Variants in SYNPR observed in about 807,000 individuals in gnomAD.
SYNPR encodes the protein synaptoporin.
Under a neutral mutation model 32.9 loss-of-function variants are expected in SYNPR, and 23 were observed. That is an observed-to-expected ratio of 0.70 (90% CI 0.50 to 0.99). SYNPR has a LOEUF of 0.99. SYNPR is among the 50% of genes least tolerant of loss of function. The pLI is 0.00. For synonymous variants in SYNPR, 146 were observed against 135.9 expected, an observed-to-expected ratio of 1.07 and a Z score of -0.52; for missense variants, 318 against 349.3, an observed-to-expected ratio of 0.91 and a Z score of 0.71.
intron 3 of SYNPR, among the ~76,000 whole-genome samples, chr3:63,544,270 C>G (rs967636233): frequency 1.3e-5 from 2 of 151,938 alleles, no homozygotes; most frequent in Non-Finnish European, 2.9e-5. Context: ...TTTTCCTATC[C>G]CCAGCTGATA....
At chr3:63,268,432 A>G (rs891756849) in intron 3 of SYNPR, among the ~76,000 whole-genome samples, 3 of 152,228 alleles carry the variant, frequency 2.0e-5, no homozygotes, top group African/African-American at 4.8e-5. Context: ...TCCCTGAAAC[A>G]TAACTACTAA....
chr3:63,202,404 T>G, the SYNPR span, among the ~76,000 whole-genome samples: 1 of 152,160 alleles, frequency 6.6e-6, no homozygotes, highest in African/African-American at 2.4e-5. Context: ...ATCTCTCAAA[T>G]GATGCCCAGA....
At chr3:63,224,015 A>C (rs145482196), upstream of SYNPR, among the ~76,000 whole-genome samples, 264 of 152,336 alleles carry the variant, frequency 1.7e-3, 2 homozygotes, top group Admixed American at 4.6e-3. Context: ...TTGCCCTTAA[A>C]AAGTTTACAG....
chr3:63,230,716 A>C (rs1240253549), intron 1 of SYNPR, among the ~76,000 whole-genome samples: 1 of 152,268 alleles, frequency 6.6e-6, no homozygotes, highest in East Asian at 1.9e-4. Context: ...CTGAGCCTCA[A>C]TTTCATCATC....
Position 63,574,593 on chromosome 3 carries a change from T to A in SYNPR, c.408+17852T>A, listed in dbSNP as rs140454474. On this transcript the variant is annotated intron_variant, in intron 4 of 5. Transcript: ENST00000478300. ...ATTATCTGGTCCAAAATGTCAATAG[T>A]GCCGAGGTGGGAAAACCATACTGTA... 2.5e-3 allele frequency among the ~76,000 whole-genome samples: 388 copies of A among 152,218 alleles called. 4 individuals carry two copies. The highest frequency in any genetic ancestry group is 8.9e-3 in the African/African-American group (371 of 41,552).
intron 2 of SYNPR, among the ~76,000 whole-genome samples, chr3:63,443,879 A>G (rs539345316): frequency 1.3e-4 from 20 of 152,294 alleles, no homozygotes; most frequent in Admixed American, 7.8e-4. Flanking sequence ...TCAGAGTGAA[A>G]ATTACTTAAA....
In SYNPR at chr3:63,476,139, AAG is replaced by A. The variant is rs1559510374; in HGVS notation, c.85-4692_85-4691del. On this transcript the variant is annotated intron_variant, in intron 2 of 5. Coordinates refer to ENST00000478300, the MANE Select transcript of SYNPR (RefSeq NM_001130003.2). The stretch of plus-strand genomic sequence containing the variant: ...GAAGGAAGGAAGGAAGGAAGGAAGG[AAG>A]GAAGGAAGGGAGGGAGGGAGGGAGG... Among the ~76,000 whole-genome samples, 16 of 32,510 alleles carry A rather than the reference AAG, an allele frequency of 4.9e-4. 1 individual carries two copies. Among genetic ancestry groups the A allele is most frequent in the South Asian group, 3.6e-3 (2 of 556 alleles). The allele number at this position is 32,510 out of a possible 152,430, so 21.3% of individuals were successfully genotyped here. A position where few individuals can be genotyped will look rare whatever the true frequency, so the allele number is the denominator to read the frequency against.
the SYNPR span, among the ~76,000 whole-genome samples, chr3:63,214,410 T>G: frequency 1.4e-3 from 43 of 31,250 alleles, no homozygotes; most frequent in Admixed American, 3.2e-3. Flanking sequence ...TATTCAGAGA[T>G]TCAACTTCTT....
intron 2 of SYNPR, among the ~76,000 whole-genome samples, chr3:63,403,388 GTACA>G (rs1214218135): frequency 6.8e-6 from 1 of 147,994 alleles, no homozygotes; most frequent in East Asian, 2.0e-4. Flanking sequence ...ATATATATAT[GTACA>G]TACATATATA....
the SYNPR span, among the ~76,000 whole-genome samples, chr3:63,208,242 A>C: frequency 6.6e-6 from 1 of 152,152 alleles, no homozygotes; most frequent in African/African-American, 2.4e-5. Context: ...TCATCAGCAT[A>C]GATACTACTA....
Position 63,508,265 on chromosome 3 carries a change from T to C in SYNPR, c.209+27309T>C, listed in dbSNP as rs368446506. ...CTTCATTCATTCACCTACAAGAATT[T>C]ATATATTCCAGGTATTGCTCTATGC... is the stretch of plus-strand genomic sequence containing the variant. On this transcript the variant is annotated intron_variant, in intron 3 of 5. Transcript: ENST00000478300. 1.1e-4 allele frequency among the ~76,000 whole-genome samples: 16 copies of C among 152,294 alleles called. 2 individuals carry two copies. Among genetic ancestry groups the C allele is most frequent in the Admixed American group, 5.9e-4 (9 of 15,286 alleles).
chr3:63,609,878 C>G (rs915813543), intron 5 of SYNPR, among the ~76,000 whole-genome samples: 1 of 152,098 alleles, frequency 6.6e-6, no homozygotes, highest in Non-Finnish European at 1.5e-5. Context: ...CCACTGCACC[C>G]CAGCCTGAGC....
intron 3 of SYNPR, among the ~76,000 whole-genome samples, chr3:63,481,725 T>C (rs998226568): frequency 1.3e-5 from 2 of 152,158 alleles, no homozygotes; most frequent in Admixed American, 6.5e-5. Context: ...CTGGTGGAAG[T>C]GGACGTGCAA....
At chr3:63,228,992 C>T (rs908021503) in intron 1 of SYNPR, among the ~76,000 whole-genome samples, 2 of 152,168 alleles carry the variant, frequency 1.3e-5, no homozygotes, top group Non-Finnish European at 2.9e-5. Context: ...AAAGAGCATT[C>T]TGCAGAACTT....
intron 2 of SYNPR, chr3:63,445,606 G>C (rs1309594181): frequency 5.8e-6 from 4 of 685,374 alleles, no homozygotes; most frequent in Non-Finnish European, 1.1e-5. Flanking sequence ...CTGGCACTGT[G>C]CTAAGCATTT....
intron 2 of SYNPR, among the ~76,000 whole-genome samples, chr3:63,438,873 T>C (rs928370928): frequency 6.6e-6 from 1 of 152,214 alleles, no homozygotes; most frequent in Admixed American, 6.5e-5. Context: ...CTCTTGGTCA[T>C]TTATTAGTAT....
intron 3 of SYNPR, among the ~76,000 whole-genome samples, chr3:63,269,721 T>G (rs2086517875): frequency 6.6e-6 from 1 of 152,216 alleles, no homozygotes; most frequent in South Asian, 2.1e-4. Context: ...GCACTCCATA[T>G]TGTATTTCAT....
intron 2 of SYNPR, among the ~76,000 whole-genome samples, chr3:63,344,531 AG>A: frequency 6.7e-6 from 1 of 150,236 alleles, no homozygotes; most frequent in Admixed American, 6.7e-5. Flanking sequence ...TGTGAGAAAC[AG>A]GTGCATATTC....
At chr3:63,510,917 G>T (rs1187763846) in intron 3 of SYNPR, among the ~76,000 whole-genome samples, 2 of 126,910 alleles carry the variant, frequency 1.6e-5, no homozygotes, top group Non-Finnish European at 3.6e-5. Flanking sequence ...AGGTACAACT[G>T]TGTGTGTGTG....
Sources: allele counts gnomAD v4.1 joint callset (sites outside exome capture counted in the v4.1 genomes callset), GRCh38; gene constraint gnomAD v4.1.1; transcripts MANE v1.5; gene names NCBI Gene and HGNC (gene_info 2026-07-23, HGNC 2026-07-21).